DLEU7: variants seen among roughly 807,000 people sequenced by gnomAD.
The protein encoded by DLEU7 is leukemia-associated protein 7.
Under a neutral mutation model 16.0 loss-of-function variants are expected in DLEU7, and 17 were observed. The observed-to-expected ratio is 1.06, with a 90% CI of 0.73 to 1.59. The LOEUF (loss-of-function observed/expected upper bound fraction) is 1.59. DLEU7 is among the 40% of genes most tolerant of loss of function. The probability of loss-of-function intolerance (pLI) is 0.00; values close to 1 mark genes in which losing one functional copy is unlikely to be tolerated. For synonymous variants in DLEU7, 113 were observed against 139.8 expected (o/e 0.81, Z 1.35); for missense variants, 308 against 314.9 (o/e 0.98, Z 0.17).
In DLEU7 at chr13:50,843,461, C is replaced by T. The variant is rs1273455529; in HGVS notation, c.186G>A (p.Gly62=). ...RRSGPPRARP[G]PGREERGGGV... ...CCCCGCCCCGCTCCTCGCGCCCGGG[C>T]CCCGGCCGGGCCCGCGGCGGGCCTG... is the stretch of plus-strand genomic sequence containing the variant. The change falls in exon 1 of 2, where the codon GGG becomes GGA. Residue 62 remains glycine (G), a synonymous_variant. Transcript: ENST00000504404. This position sits in a 1 kb window ranked among gnomAD's most constrained non-coding sequence, Gnocchi z 5.7. 2 of 1,325,738 alleles carry T rather than the reference C, an allele frequency of 1.5e-6. No homozygotes were observed. Among genetic ancestry groups the T allele is most frequent in the Non-Finnish European group, 1.9e-6 (2 of 1,045,438 alleles). The allele number at this position is 1,325,738 out of a possible 1,614,324, so 82.1% of individuals were successfully genotyped here.
chr13:50,812,667 A>G (rs1184636597), intron 1 of DLEU7, among the ~76,000 whole-genome samples: 1 of 152,142 alleles, frequency 6.6e-6, no homozygotes, highest in East Asian at 1.9e-4. Context: ...CATCAATCAC[A>G]ATTAGGATTC....
At position 50,718,680 on chromosome 13, in the gene DLEU7, A is replaced by G. The variant is rs542281081; in HGVS notation, c.460-5440T>C. On this transcript the variant is annotated intron_variant, in intron 1 of 1. Coordinates refer to the DLEU7 transcript ENST00000400393. ...TCTACCAAACACTCTCTTTTGCTAA[A>G]TAAGAATATTTCCCCATTTTTATTC... is the stretch of plus-strand genomic sequence containing the variant. Among the ~76,000 whole-genome samples, 8 of 152,358 alleles carry G rather than the reference A, an allele frequency of 5.3e-5. No homozygotes were observed. In the East Asian group the frequency reaches 1.5e-3, roughly 29 times the overall value.
rs550888596 is a variant in DLEU7, at chr13:50,745,218, G to A, written c.460-31978C>T. On this transcript the variant is annotated intron_variant, in intron 1 of 1. Transcript: ENST00000400393. Reference sequence around the variant, plus strand: ...AAAATGTGGCATATACATAAAAAGTGATATTATTCAGCCTTAAGAAAGAAG... The same window carrying A: ...AAAATGTGGCATATACATAAAAAGTAATATTATTCAGCCTTAAGAAAGAAG... Among the ~76,000 whole-genome samples the A allele has an allele frequency of 3.9e-5, 6 of 152,280 alleles. No homozygotes were observed. In the South Asian group the frequency reaches 1.2e-3, roughly 32 times the overall value.
intron 1 of DLEU7, among the ~76,000 whole-genome samples, chr13:50,770,314 T>C (rs1875258019): frequency 1.3e-5 from 2 of 152,208 alleles, no homozygotes; most frequent in African/African-American, 4.8e-5. Flanking sequence ...CTATGTTGAA[T>C]AGGAGTGGTG....
At chr13:50,822,682 T>C, downstream of DLEU7, 2 of 985,344 alleles carry the variant, frequency 2.0e-6, no homozygotes, top group Non-Finnish European at 2.4e-6. Context: ...TCATACATGA[T>C]TGGTACTTCA....
chr13:50,804,417 G>A (rs751975861), intron 1 of DLEU7, among the ~76,000 whole-genome samples: 7 of 150,886 alleles, frequency 4.6e-5, no homozygotes, highest in Non-Finnish European at 8.9e-5. Flanking sequence ...TCGTTTTATG[G>A]GGTTTTTTTT....
chr13:50,718,885 C>T (rs116186072), intron 1 of DLEU7, among the ~76,000 whole-genome samples: 32 of 152,242 alleles, frequency 2.1e-4, no homozygotes, highest in African/African-American at 7.0e-4. Flanking sequence ...CCTTTGCTAA[C>T]CTGAGTGAAA....
chr13:50,718,172 T>C (rs551621545), intron 1 of DLEU7, among the ~76,000 whole-genome samples: 120 of 152,324 alleles, frequency 7.9e-4, no homozygotes, highest in African/African-American at 2.7e-3. Context: ...TTAAAAAAAA[T>C]GTTGCTGATG....
chr13:50,757,740 G>T (rs765316199), intron 1 of DLEU7, among the ~76,000 whole-genome samples: 17 of 152,190 alleles, frequency 1.1e-4, no homozygotes, highest in Non-Finnish European at 1.5e-4. Flanking sequence ...TTATAAAATA[G>T]GAATTTGTTA....
At chr13:50,755,282 G>A (rs1200334183) in intron 1 of DLEU7, among the ~76,000 whole-genome samples, 1 of 152,160 alleles carries the variant, frequency 6.6e-6, no homozygotes, top group Non-Finnish European at 1.5e-5. Context: ...CCCCAAATAT[G>A]TTTTCCAAAC....
At chr13:50,780,256 A>G (rs1428617877) in intron 1 of DLEU7, among the ~76,000 whole-genome samples, 2 of 152,186 alleles carry the variant, frequency 1.3e-5, no homozygotes, top group African/African-American at 2.4e-5. Context: ...TGTCTGAATC[A>G]TTCCTAGATA....
At chr13:50,842,687 A>G (rs1414695151) in intron 1 of DLEU7, among the ~76,000 whole-genome samples, 1 of 152,222 alleles carries the variant, frequency 6.6e-6, no homozygotes, top group Admixed American at 6.5e-5. Flanking sequence ...CTCTGTGGGG[A>G]ATTGGATTTA....
chr13:50,806,512 A>G (rs932823872), intron 1 of DLEU7, among the ~76,000 whole-genome samples: 4 of 152,158 alleles, frequency 2.6e-5, no homozygotes, highest in African/African-American at 9.6e-5. Flanking sequence ...ATTAGTAAGG[A>G]AAAATTTGTT....
chr13:50,767,380 C>G (rs965078100), intron 1 of DLEU7, among the ~76,000 whole-genome samples: 2 of 148,854 alleles, frequency 1.3e-5, no homozygotes, highest in African/African-American at 5.0e-5. Flanking sequence ...GGCGTGAACC[C>G]GGGAGGCGGA....
chr13:50,786,986 A>G lies in DLEU7; in HGVS notation c.459+56202T>C, dbSNP rs552351197. On this transcript the variant is annotated intron_variant, in intron 1 of 1. Coordinates refer to the DLEU7 transcript ENST00000400393. ...CCTTAAGCCTTGGAACTTTAATCAA[A>G]GTTGAGTGATGAGGTAAATCAAGGA... Among the ~76,000 whole-genome samples, 20 of 152,328 alleles carry G rather than the reference A, an allele frequency of 1.3e-4. 1 individual carries two copies. The highest frequency in any genetic ancestry group is 3.4e-3 in the Middle Eastern group (1 of 294).
chr13:50,753,400 G>A (rs969558293), intron 1 of DLEU7, among the ~76,000 whole-genome samples: 4 of 152,228 alleles, frequency 2.6e-5, no homozygotes, highest in Non-Finnish European at 4.4e-5. Flanking sequence ...AGGAGCACAC[G>A]GAGGGGGTGG....
chr13:50,791,976 A>G (rs1328000468), intron 1 of DLEU7, among the ~76,000 whole-genome samples: 1 of 152,188 alleles, frequency 6.6e-6, no homozygotes, highest in Non-Finnish European at 1.5e-5. Context: ...CCACTTCACA[A>G]CTTCTTGTTG....
rs779254588 is a variant in DLEU7, at chr13:50,843,247, C to T, written c.400G>A (p.Val134Met). The change falls in exon 1 of 2, where the codon GTG becomes ATG. Residue 134 changes from valine (V) to methionine (M), a missense_variant. Transcript: ENST00000504404. This position sits in a 1 kb window ranked among gnomAD's most constrained non-coding sequence, Gnocchi z 5.7. Reference sequence around the variant, plus strand: ...AGGGGCCCCAGCAGCGTCTGCTCCACGCTGACCAGCTCCGAAGTCGAGTCC... The same window carrying T: ...AGGGGCCCCAGCAGCGTCTGCTCCATGCTGACCAGCTCCGAAGTCGAGTCC... ...VVDSTSELVS[V>M]EQTLLGPLQQ... 1.3e-6 allele frequency: 2 copies of T among 1,595,500 alleles called. No individual in the cohort carries two copies. Among genetic ancestry groups the T allele is most frequent in the Non-Finnish European group, 1.7e-6 (2 of 1,171,402 alleles).
At chr13:50,748,356 G>A (rs967959331) in intron 1 of DLEU7, among the ~76,000 whole-genome samples, 9 of 145,690 alleles carry the variant, frequency 6.2e-5, no homozygotes, top group African/African-American at 2.3e-4. Flanking sequence ...TCTATATTTA[G>A]AAGCCACCCT....
Sources: gnomAD v4.1 joint callset for allele counts (sites outside exome capture counted in the v4.1 genomes callset) on GRCh38, gnomAD v4.1.1 for gene constraint, Gnocchi (gnomAD v3.1) non-coding constraint, MANE v1.5 for transcripts, NCBI Gene and HGNC (gene_info 2026-07-23, HGNC 2026-07-21) for gene names.